AHSA1: variants seen among roughly 807,000 people sequenced by gnomAD.
AHSA1 encodes the protein activator of HSP90 ATPase activity 1, also known as activator of 90 kDa heat shock protein ATPase homolog 1.
In AHSA1, 14 loss-of-function variants were observed where a neutral mutation model predicts 46.1. The observed-to-expected ratio is 0.30, with a 90% confidence interval of 0.20 to 0.47. The LOEUF (loss-of-function observed/expected upper bound fraction) is 0.47, where lower values mean the gene tolerates loss of function less well. AHSA1 is among the 20% of genes least tolerant of loss of function. The pLI, the probability that AHSA1 is intolerant of heterozygous loss-of-function variation, is 0.99. For synonymous variants in AHSA1, 147 were observed against 145.8 expected, an observed-to-expected ratio of 1.01 and a Z score of -0.06; for missense variants, 333 against 415.9, an observed-to-expected ratio of 0.80 and a Z score of 1.73.
Position 77,464,699 on chromosome 14 carries a change from C to T in AHSA1, c.561+13C>T. On this transcript the variant is annotated intron_variant, in intron 5 of 8. Coordinates refer to ENST00000216479, the MANE Select transcript of AHSA1 (RefSeq NM_012111.3). ...TGAGGAGCGCAAGGTAAATGGTTTT[C>T]CTGGGGTGGGAGACTGTCTGCAAAG... 6.2e-7 allele frequency: 1 copy of T among 1,610,624 alleles called. No homozygotes were observed. Among genetic ancestry groups the T allele is most frequent in the Non-Finnish European group, 8.5e-7 (1 of 1,178,642 alleles).
At chr14:77,460,779 C>G (rs191629328) in intron 2 of AHSA1, among the ~76,000 whole-genome samples, 1 of 151,386 alleles carries the variant, frequency 6.6e-6, no homozygotes, top group African/African-American at 2.4e-5. Flanking sequence ...AGGCTGGTCT[C>G]GAACTGTGTC....
rs143992560 is a variant in AHSA1 at position 77,461,520 on chromosome 14, ACT to A, written c.272-637_272-636del. On this transcript the variant is annotated intron_variant, in intron 2 of 8. Transcript: ENST00000216479. ...AATCCAGCCTGAGCGACAGAGCAAGACTCTGTCTTGCGGGGGGAAAAGGTGGG... is the reference window on the plus strand; with the variant it reads ...AATCCAGCCTGAGCGACAGAGCAAGACTGTCTTGCGGGGGGAAAAGGTGGG... Among the ~76,000 whole-genome samples, 492 of 152,172 alleles carry A rather than the reference ACT, an allele frequency of 3.2e-3. 20 individuals carry two copies. The East Asian group carries it at 0.078, about 24-fold the overall frequency.
chr14:77,463,265 A>G (rs572507811), intron 4 of AHSA1, among the ~76,000 whole-genome samples: 1 of 150,350 alleles, frequency 6.7e-6, no homozygotes, highest in South Asian at 2.1e-4. Context: ...CTGGATGACC[A>G]AAAAACACAA....
intron 4 of AHSA1, among the ~76,000 whole-genome samples, chr14:77,464,177 G>C (rs1018284295): frequency 6.6e-6 from 1 of 152,148 alleles, no homozygotes; most frequent in African/African-American, 2.4e-5. Flanking sequence ...AGGAGATCAA[G>C]ACCATCCTGG....
At chr14:77,468,530 C>A in intron 8 of AHSA1, 22 bp downstream of exon 8, 3 of 1,575,626 alleles carry the variant, frequency 1.9e-6, no homozygotes, top group Non-Finnish European at 1.7e-6. Flanking sequence ...TATTTATTGC[C>A]ATTACCCCCA....
chr14:77,464,496 C>A, intron 4 of AHSA1, 102 bp from the exon 5 acceptor site: 1 of 1,023,468 alleles, frequency 9.8e-7, no homozygotes. Context: ...TGGTCATAAC[C>A]TCATTCTGTG....
At chr14:77,462,280 T>C (rs2079029014) in intron 3 of AHSA1, 38 bp downstream of exon 3, 14 of 1,560,632 alleles carry the variant, frequency 9.0e-6, no homozygotes, top group Non-Finnish European at 1.2e-5. Context: ...GTCCTCTATA[T>C]CCTCTTATTC....
In AHSA1 at chr14:77,462,653, C is replaced by A. The variant is rs2079030742; in HGVS notation, c.366C>A (p.Ser122Arg). The A allele has an allele frequency of 6.2e-7, 1 of 1,614,112 alleles. No homozygotes were observed. Among genetic ancestry groups the A allele is most frequent in the Non-Finnish European group, 8.5e-7 (1 of 1,179,980 alleles). The change falls in exon 4 of 9, where the codon AGC (serine) becomes AGA (arginine). Residue 122 changes from serine (S) to arginine (R), a missense_variant. Ser to Arg is a moderately radical substitution (Grantham distance 110). Transcript: ENST00000216479. ...NSVDEVEISV[S>R]LAKDEPDTNL... The stretch of plus-strand genomic sequence containing the variant: ...CATCTTTCACCCAGATTAGTGTGAG[C>A]CTTGCCAAAGATGAGCCTGACACAA...
chr14:77,464,840 A>T (rs772028469), intron 5 of AHSA1, 154 bp downstream of exon 5: 10 of 641,074 alleles, frequency 1.6e-5, no homozygotes, highest in African/African-American at 5.5e-5. Context: ...TGCAATATGC[A>T]TTCATTCACC....
chr14:77,467,951 C>A (rs1432666752), intron 6 of AHSA1, 132 bp from the exon 7 acceptor site: 6 of 631,584 alleles, frequency 9.5e-6, no homozygotes, highest in Non-Finnish European at 1.3e-5. Context: ...ACACCCTGGA[C>A]CCGCCTGTGG....
Position 77,469,183 on chromosome 14 carries a change from G to A in AHSA1, c.951G>A (p.Gln317=), listed in dbSNP as rs1261645864. 4 of 1,614,204 alleles carry A rather than the reference G, an allele frequency of 2.5e-6. No individual in the cohort carries two copies. The African/African-American group carries it at 5.3e-5, about 22-fold the overall frequency. ...CTCCTGAGGAAGAGCGGACGCGACA[G>A]GGCTGGCAGCGGTACTACTTTGAGG... ...IPAPEEERTR[Q]GWQRYYFEGI... is the part of the protein sequence containing the mutation. Residue 317 remains glutamine, a synonymous_variant, in exon 9 of 9, where the codon CAG becomes CAA. Coordinates refer to ENST00000216479, the MANE Select transcript of AHSA1 (RefSeq NM_012111.3).
At chr14:77,465,879 T>C (rs1235649177) in intron 6 of AHSA1, among the ~76,000 whole-genome samples, 2 of 151,800 alleles carry the variant, frequency 1.3e-5, no homozygotes, top group Non-Finnish European at 2.9e-5. Flanking sequence ...CAGGCTGGAG[T>C]GCAGTGGCAC....
At position 77,469,441 on chromosome 14, in the gene AHSA1, A is replaced by C. The variant is rs906124710; in HGVS notation, c.*192A>C. On this transcript the variant is annotated 3_prime_UTR_variant, in exon 9 of 9. Coordinates refer to ENST00000216479, the MANE Select transcript of AHSA1 (RefSeq NM_012111.3). ...AGAGGGCAATTTCTCTTTTATGTGT[A>C]CATATGCTAAATAAACATAATTTAA... 3.7e-6 allele frequency: 2 copies of C among 545,762 alleles called. No individual in the cohort carries two copies. The highest frequency in any genetic ancestry group is 3.2e-6 in the Non-Finnish European group (1 of 314,068). The allele number at this position is 545,762 out of a possible 1,614,324, so 33.8% of individuals were successfully genotyped here. A position where few individuals can be genotyped will look rare whatever the true frequency, so the allele number is the denominator to read the frequency against.
At chr14:77,465,464 A>C in intron 5 of AHSA1, 75 bp from the exon 6 acceptor site, 1 of 1,526,204 alleles carries the variant, frequency 6.6e-7, no homozygotes, top group Non-Finnish European at 9.0e-7. Flanking sequence ...TGAATGGTAC[A>C]ACTGTCTCTG....
rs1213471424 is a variant in AHSA1 at position 77,469,127 on chromosome 14, G to A, written c.895G>A (p.Glu299Lys). ...CTTCATCGACAAGAACGGAGAGACT[G>A]AGCTGTGCATGGAAGGTCGAGGCAT... ...LTFIDKNGET[E>K]LCMEGRGIPA... Residue 299 changes from glutamate to lysine, a missense_variant, in exon 9 of 9, where the codon GAG becomes AAG. Coordinates refer to ENST00000216479, the MANE Select transcript of AHSA1 (RefSeq NM_012111.3). The A allele has an allele frequency of 1.2e-6, 2 of 1,614,200 alleles. No individual in the cohort carries two copies. The highest frequency in any genetic ancestry group is 1.7e-5 in the Admixed American group (1 of 60,024).
rs190580145 is a variant in AHSA1, at chr14:77,460,968, G to C, written c.271+1162G>C. ...AGGTCAGGAGATCAAGACCATCCTGGCTGACACAGTGAAACCCCGTCTCTA... is the reference window on the plus strand; with the variant it reads ...AGGTCAGGAGATCAAGACCATCCTGCCTGACACAGTGAAACCCCGTCTCTA... On this transcript the variant is annotated intron_variant, in intron 2 of 8. Transcript: ENST00000216479. Among the ~76,000 whole-genome samples, 528 of 151,386 alleles carry C rather than the reference G, an allele frequency of 3.5e-3. 5 individuals are homozygous for C. The highest frequency in any genetic ancestry group is 0.012 in the African/African-American group (496 of 41,282).
chr14:77,464,042 A>G (rs1439920137), intron 4 of AHSA1, among the ~76,000 whole-genome samples: 1 of 152,254 alleles, frequency 6.6e-6, no homozygotes, highest in Non-Finnish European at 1.5e-5. Flanking sequence ...CATGCACTTA[A>G]TATGTTATAA....
At chr14:77,465,969 G>A (rs2139942701) in intron 6 of AHSA1, among the ~76,000 whole-genome samples, 1 of 152,208 alleles carries the variant, frequency 6.6e-6, no homozygotes, top group East Asian at 1.9e-4. Flanking sequence ...TGGTACTATA[G>A]GCACACGCCA....
intron 8 of AHSA1, chr14:77,468,741 T>TTAAC: frequency 2.6e-5 from 12 of 457,116 alleles, no homozygotes; most frequent in Non-Finnish European, 3.0e-5. Flanking sequence ...TTTTTTTTTT[T>TTAAC]TTTTACTTTT....
Sources: gnomAD v4.1 joint callset for allele counts (sites outside exome capture counted in the v4.1 genomes callset) on GRCh38, gnomAD v4.1.1 for gene constraint, MANE v1.5 for transcripts, NCBI Gene and HGNC (gene_info 2026-07-23, HGNC 2026-07-21) for gene names.